Variants in ETNPPL observed in about 807,000 individuals in gnomAD.
ETNPPL encodes alanine--glyoxylate aminotransferase 2-like 1.
Under a neutral mutation model 55.5 loss-of-function variants are expected in ETNPPL, and 30 were observed. The ratio of observed to expected loss-of-function variants is 0.54; its 90% CI spans 0.40 to 0.73. ETNPPL has a LOEUF of 0.73. ETNPPL is among the 30% of genes least tolerant of loss of function. ETNPPL has a pLI of 0.00. For missense variants in ETNPPL, 528 were observed against 607.9 expected (o/e 0.87, Z 1.38); for synonymous variants, 202 against 207.2 (o/e 0.98, Z 0.21).
In ETNPPL at chr4:108,746,401, G is replaced by C; in HGVS notation, c.1301C>G (p.Thr434Arg). ...FMVDQLDRIL[T>R]VLEEAMGTKT... The stretch of plus-strand genomic sequence containing the variant: ...ATCTTAAAGATCCATGGACCCACCT[G>C]TTAGAATCCTATCAAGTTGGTCCAC... The change falls in exon 11 of 13, where the codon ACA becomes AGA. Residue 434 changes from threonine to arginine, a missense_variant and splice_region_variant. Transcript: ENST00000296486. The C allele has an allele frequency of 1.9e-6, 3 of 1,612,792 alleles. No homozygotes were observed. Among genetic ancestry groups the C allele is most frequent in the African/African-American group, 1.3e-5 (1 of 75,006 alleles).
rs1728694387 is a variant in ETNPPL, at chr4:108,747,997, G to A, written c.1082+8C>T. On this transcript the variant is annotated splice_region_variant and intron_variant, in intron 9 of 12. Coordinates refer to ENST00000296486, the MANE Select transcript of ETNPPL (RefSeq NM_031279.4). ...AGTAACTACATGACAACTTCATAAT[G>A]AACATACCTAATATCTCCTATCAAA... The A allele has an allele frequency of 6.2e-7, 1 of 1,602,482 alleles. No individual in the cohort carries two copies. Among genetic ancestry groups the A allele is most frequent in the South Asian group, 1.1e-5 (1 of 88,886 alleles).
In ETNPPL at chr4:108,760,280, G is replaced by T. The variant is rs776914976; in HGVS notation, c.83C>A (p.Ser28Ter). The T allele has an allele frequency of 6.2e-7, 1 of 1,609,390 alleles. No individual in the cohort carries two copies. The highest frequency in any genetic ancestry group is 1.3e-5 in the African/African-American group (1 of 74,848). Reference protein sequence around the residue: ...IGPSCKVFFASDPIKIVRAQR... With the variant: ...IGPSCKVFFA Reference sequence around the variant, plus strand: ...GGCTCTCACTATTTTGATGGGATCCGATGCAAAGAAAACTTTGCATGAGGG... The same window carrying T: ...GGCTCTCACTATTTTGATGGGATCCTATGCAAAGAAAACTTTGCATGAGGG... Residue 28 changes from serine to a stop codon, truncating the protein, a stop_gained, in exon 2 of 13, where the codon TCG (serine) becomes TAG (stop). Transcript: ENST00000296486. LOFTEE classifies it high-confidence loss of function.
At chr4:108,753,418 G>C (rs1383260385) in intron 5 of ETNPPL, among the ~76,000 whole-genome samples, 4 of 152,138 alleles carry the variant, frequency 2.6e-5, no homozygotes, top group Non-Finnish European at 5.9e-5. Context: ...ACTCACTCCA[G>C]ATCTTAAAAT....
intron 1 of ETNPPL, among the ~76,000 whole-genome samples, 186 bp from the exon 2 acceptor site, chr4:108,760,492 A>C (rs1729463496): frequency 6.6e-6 from 1 of 152,160 alleles, no homozygotes; most frequent in African/African-American, 2.4e-5. Context: ...TCCCCCATTC[A>C]TGACATTGTT....
chr4:108,755,588 G>A (rs1729158950), intron 4 of ETNPPL, among the ~76,000 whole-genome samples: 1 of 152,150 alleles, frequency 6.6e-6, no homozygotes, highest in Admixed American at 6.5e-5. Context: ...GGGCTGAGGC[G>A]GGTGGATCAC....
In ETNPPL at chr4:108,753,105, G is replaced by A. The variant is rs1023343061; in HGVS notation, c.502-94C>T. The A allele has an allele frequency of 7.1e-6, 5 of 701,344 alleles. No homozygotes were observed. The Admixed American group carries it at 9.7e-5, about 14-fold the overall frequency. The allele number at this position is 701,344 out of a possible 1,614,324, so 43.4% of individuals were successfully genotyped here. On this transcript the variant is annotated intron_variant, in intron 5 of 12. Coordinates refer to ENST00000296486, the MANE Select transcript of ETNPPL (RefSeq NM_031279.4). ...CCCCACAAGAACATGTTAGAATGGT[G>A]ATCATGTGAACTTAAGATACTTTAG...
chr4:108,755,060 A>G (rs909078817), intron 4 of ETNPPL, among the ~76,000 whole-genome samples: 5 of 152,248 alleles, frequency 3.3e-5, no homozygotes, highest in Non-Finnish European at 5.9e-5. Context: ...CTTTACGTGT[A>G]TGTATTCTTT....
chr4:108,750,021 A>G (rs770791715), intron 7 of ETNPPL, among the ~76,000 whole-genome samples: 10 of 152,162 alleles, frequency 6.6e-5, no homozygotes, highest in Non-Finnish European at 1.3e-4. Context: ...TCCTATTACC[A>G]TATTACCTTT....
chr4:108,742,332 G>T lies in ETNPPL; in HGVS notation c.*152C>A. ...TCTTGACATGGTTTGATTATCACTT[G>T]GTTTATTCTGATTACTCATTTACCT... On this transcript the variant is annotated 3_prime_UTR_variant, in exon 13 of 13. Coordinates refer to ENST00000296486, the MANE Select transcript of ETNPPL (RefSeq NM_031279.4). 1.4e-6 allele frequency: 1 copy of T among 693,450 alleles called. No individual in the cohort carries two copies. The highest frequency in any genetic ancestry group is 2.4e-6 in the Non-Finnish European group (1 of 415,152). The allele number at this position is 693,450 out of a possible 1,614,324, so 43.0% of individuals were successfully genotyped here. A position where few individuals can be genotyped will look rare whatever the true frequency, so the allele number is the denominator to read the frequency against.
At chr4:108,743,426 T>C (rs1049766327) in intron 12 of ETNPPL, among the ~76,000 whole-genome samples, 2 of 152,176 alleles carry the variant, frequency 1.3e-5, no homozygotes, top group East Asian at 3.9e-4. Flanking sequence ...CTGCTGATTG[T>C]AAAGTCAGTG....
At chr4:108,755,121 T>C (rs918890760) in intron 4 of ETNPPL, among the ~76,000 whole-genome samples, 3 of 152,228 alleles carry the variant, frequency 2.0e-5, no homozygotes, top group African/African-American at 7.2e-5. Flanking sequence ...AAAAACAACT[T>C]TATATCATAG....
intron 9 of ETNPPL, among the ~76,000 whole-genome samples, chr4:108,747,135 TA>T (rs1289063569): frequency 0.011 from 311 of 29,432 alleles, 41 homozygotes; most frequent in African/African-American, 0.052. Context: ...TATATATATA[TA>T]TATATATATA....
At chr4:108,746,321 C>A in intron 11 of ETNPPL, 78 bp downstream of exon 11, 3 of 1,369,766 alleles carry the variant, frequency 2.2e-6, no homozygotes, top group South Asian at 3.1e-5. Context: ...TGCATATGCT[C>A]ATTATGACTA....
chr4:108,744,608 G>A (rs1728377612), intron 11 of ETNPPL, among the ~76,000 whole-genome samples: 1 of 151,716 alleles, frequency 6.6e-6, no homozygotes, highest in South Asian at 2.1e-4. Flanking sequence ...GGACTCTCAA[G>A]TTTCCAAACA....
At chr4:108,755,777 C>T (rs1395283237) in intron 4 of ETNPPL, among the ~76,000 whole-genome samples, 2 of 152,110 alleles carry the variant, frequency 1.3e-5, no homozygotes, top group African/African-American at 4.8e-5. Flanking sequence ...GTGGAGATCG[C>T]GCCACTGCAC....
chr4:108,760,581 G>T (rs1729469641), intron 1 of ETNPPL, among the ~76,000 whole-genome samples: 1 of 152,226 alleles, frequency 6.6e-6, no homozygotes, highest in Admixed American at 6.5e-5. Context: ...CTCTCTGATG[G>T]TTCTAATCAC....
intron 3 of ETNPPL, among the ~76,000 whole-genome samples, chr4:108,759,413 A>G (rs1166197963): frequency 1.3e-5 from 2 of 151,972 alleles, no homozygotes; most frequent in African/African-American, 4.8e-5. Context: ...AAAAAAAAAA[A>G]AAAAAAAAAA....
intron 9 of ETNPPL, among the ~76,000 whole-genome samples, chr4:108,747,490 G>A (rs752968396): frequency 2.0e-5 from 3 of 150,794 alleles, no homozygotes; most frequent in Admixed American, 6.7e-5. Context: ...TAGAAACAAG[G>A]TTTCTTGTTA....
At chr4:108,746,733 C>T (rs760750747) in intron 10 of ETNPPL, 29 bp downstream of exon 10, 9 of 1,602,902 alleles carry the variant, frequency 5.6e-6, no homozygotes, top group Non-Finnish European at 6.8e-6. Flanking sequence ...AGCCAAGATA[C>T]CAAACAGGTG....
Sources: gnomAD v4.1 joint callset for allele counts (sites outside exome capture counted in the v4.1 genomes callset) on GRCh38, gnomAD v4.1.1 for gene constraint, MANE v1.5 for transcripts, NCBI Gene and HGNC (gene_info 2026-07-23, HGNC 2026-07-21) for gene names.